The following MTREX variants were observed in gnomAD, a reference collection of about 807,000 sequenced individuals.
MTREX encodes the protein Mtr4 exosome RNA helicase.
MTREX carries 76 observed loss-of-function variants against 135.4 expected under a neutral mutation model. The observed-to-expected ratio is 0.56, with a 90% CI of 0.47 to 0.68. The LOEUF (loss-of-function observed/expected upper bound fraction) is 0.68, where lower values mean the gene tolerates loss of function less well. Among genes scored for constraint, MTREX ranks in the 30% least tolerant of loss-of-function variants. MTREX has a pLI of 0.00. For missense variants in MTREX, 920 were observed against 1,262.1 expected (o/e 0.73, Z 4.11); for synonymous variants, 404 against 401.6 (o/e 1.01, Z -0.07).
rs1454311661 is a variant in MTREX, at chr5:55,347,010, C to T, written c.1109-3C>T. The T allele has an allele frequency of 1.9e-6, 3 of 1,600,660 alleles. No individual in the cohort carries two copies. Among genetic ancestry groups the T allele is most frequent in the Middle Eastern group, 1.7e-4 (1 of 6,012 alleles). On this transcript the variant is annotated splice_polypyrimidine_tract_variant and splice_region_variant and intron_variant, in intron 10 of 26. Transcript: ENST00000230640. ...TTTGGTGTGTTGTTTACTGTTTTTG[C>T]AGGACCATCAAATGTTTTCAAAATT...
intron 5 of MTREX, among the ~76,000 whole-genome samples, chr5:55,331,376 C>T (rs1406952312): frequency 6.6e-6 from 1 of 152,070 alleles, no homozygotes; most frequent in East Asian, 1.9e-4. Context: ...TTGAGGCTTA[C>T]TTTTATGACT....
chr5:55,317,093 GAT>G (rs1749211265), intron 1 of MTREX, among the ~76,000 whole-genome samples: 1 of 152,092 alleles, frequency 6.6e-6, no homozygotes, highest in Non-Finnish European at 1.5e-5. Flanking sequence ...GGAGGTGAAA[GAT>G]ATATGCAATG....
At chr5:55,412,950 A>G (rs572914185) in intron 23 of MTREX, among the ~76,000 whole-genome samples, 3 of 152,300 alleles carry the variant, frequency 2.0e-5, no homozygotes, top group Admixed American at 6.5e-5. Flanking sequence ...TTTATTATAC[A>G]TATATACATG....
chr5:55,422,892 T>C lies in MTREX; in HGVS notation c.2986T>C (p.Cys996Arg). 6.2e-7 allele frequency: 1 copy of C among 1,613,562 alleles called. No homozygotes were observed. The highest frequency in any genetic ancestry group is 8.5e-7 in the Non-Finnish European group (1 of 1,179,742). ...TTTCTATCCAGGCAGCATAATTCGT[T>C]GTATGAGGCGCCTGGAAGAATTGCT... Reference protein sequence around the residue: ...TDVFEGSIIRCMRRLEELLRQ... With the variant: ...TDVFEGSIIRRMRRLEELLRQ... The change falls in exon 26 of 27, where the codon TGT becomes CGT. Residue 996 changes from cysteine to arginine, a missense_variant. Cys to Arg is a radical substitution (Grantham distance 180). Transcript: ENST00000230640.
At chr5:55,341,226 G>A (rs1444973841) in intron 6 of MTREX, among the ~76,000 whole-genome samples, 2 of 152,156 alleles carry the variant, frequency 1.3e-5, no homozygotes, top group Admixed American at 1.3e-4. Flanking sequence ...AAGTATCCAT[G>A]TTGCAAGAAA....
At chr5:55,339,689 C>A (rs1749612305) in intron 5 of MTREX, among the ~76,000 whole-genome samples, 1 of 152,142 alleles carries the variant, frequency 6.6e-6, no homozygotes, top group Admixed American at 6.6e-5. Flanking sequence ...TGTGAACTCA[C>A]AGACAGAGGC....
At chr5:55,405,653 T>A in intron 22 of MTREX, 65 bp downstream of exon 22, 1 of 1,448,784 alleles carries the variant, frequency 6.9e-7, no homozygotes, top group Non-Finnish European at 9.4e-7. Context: ...AATTTTTGTT[T>A]ATTTTTTTTG....
chr5:55,343,458 A>AT lies in MTREX; in HGVS notation c.906+9dup. On this transcript the variant is annotated splice_donor_region_variant and intron_variant, in intron 8 of 26. Transcript: ENST00000230640. Reference sequence around the variant, plus strand: ...GGATTTGCCATTTACATAAACAGGTATTTTTTCCTCCTTTTTTGATGTCTT... The same window carrying AT: ...GGATTTGCCATTTACATAAACAGGTATTTTTTTCCTCCTTTTTTGATGTCTT... 1 of 1,610,122 alleles carries AT rather than the reference A, an allele frequency of 6.2e-7. No individual in the cohort carries two copies. The highest frequency in any genetic ancestry group is 8.5e-7 in the Non-Finnish European group (1 of 1,178,628).
At chr5:55,321,160 A>G (rs1749283510) in intron 1 of MTREX, among the ~76,000 whole-genome samples, 1 of 152,190 alleles carries the variant, frequency 6.6e-6, no homozygotes, top group Admixed American at 6.5e-5. Context: ...CTTAATATCT[A>G]ATATTGCAAA....
At chr5:55,389,069 C>T (rs1750524602) in intron 19 of MTREX, among the ~76,000 whole-genome samples, 1 of 152,072 alleles carries the variant, frequency 6.6e-6, no homozygotes, top group African/African-American at 2.4e-5. Flanking sequence ...ATTTATAATT[C>T]TGAATATTAC....
In MTREX at chr5:55,378,479, T is replaced by C. The variant is rs1750342836; in HGVS notation, c.1976T>C (p.Leu659Ser). The change falls in exon 17 of 27, where the codon TTG (leucine) becomes TCG (serine). Residue 659 changes from leucine (L) to serine (S), a missense_variant. Leu to Ser is a moderately radical substitution (Grantham distance 145). Around this residue, in one of 6 missense-constraint regions of MTREX, gnomAD observed 467 missense variants for 589.7 expected, o/e 0.79. Transcript: ENST00000230640. ...TTACCTTTTCTACAACCAGGTCGTT[T>C]GGTAAAGGTATGTCATTGTTTCTTC... ...YCLPFLQPGR[L>S]VKVKNEGDDF... 1 of 1,607,306 alleles carries C rather than the reference T, an allele frequency of 6.2e-7. No homozygotes were observed.
At chr5:55,327,799 A>G in intron 4 of MTREX, 21 bp downstream of exon 4, 1 of 1,534,414 alleles carries the variant, frequency 6.5e-7, no homozygotes, top group South Asian at 1.2e-5. Context: ...TGGGTAATAC[A>G]GTTTATATAG....
At chr5:55,320,975 G>C (rs1447031329) in intron 1 of MTREX, among the ~76,000 whole-genome samples, 1 of 152,122 alleles carries the variant, frequency 6.6e-6, no homozygotes, top group Non-Finnish European at 1.5e-5. Flanking sequence ...GAATCCTGCT[G>C]TTTCTGTTAA....
intron 5 of MTREX, among the ~76,000 whole-genome samples, chr5:55,332,558 G>A (rs533474534): frequency 6.6e-6 from 1 of 152,292 alleles, no homozygotes; most frequent in Admixed American, 6.5e-5. Flanking sequence ...TTGGCTCATG[G>A]TTCTGGAAGC....
At chr5:55,387,422 C>T (rs905770246) in intron 18 of MTREX, among the ~76,000 whole-genome samples, 2 of 151,926 alleles carry the variant, frequency 1.3e-5, no homozygotes, top group African/African-American at 4.8e-5. Context: ...TTTAAAAATG[C>T]GGCATTCTGT....
At chr5:55,343,833 C>T (rs1419352897) in intron 8 of MTREX, among the ~76,000 whole-genome samples, 2 of 152,156 alleles carry the variant, frequency 1.3e-5, no homozygotes, top group African/African-American at 2.4e-5. Context: ...CTGGGCATCT[C>T]TGGAGCATTT....
intron 21 of MTREX, 54 bp from the exon 22 acceptor site, chr5:55,405,371 T>G (rs1049372181): frequency 2.1e-6 from 3 of 1,416,156 alleles, no homozygotes; most frequent in Non-Finnish European, 2.9e-6. Context: ...ATAAATCTCC[T>G]TGTACATTGT....
At chr5:55,308,753 A>G (rs1749033729) in intron 1 of MTREX, among the ~76,000 whole-genome samples, 1 of 152,186 alleles carries the variant, frequency 6.6e-6, no homozygotes. Context: ...GACCCTACCC[A>G]TATGTTTAGA....
Position 55,351,842 on chromosome 5 carries a change from C to CT in MTREX, c.1431+829dup, listed in dbSNP as rs754738083. ...ATCATAAGTCTATATATGACTCATA[C>CT]TTTTTTTTTTTTTTTTGAGGCAGAA... On this transcript the variant is annotated intron_variant, in intron 13 of 26. Transcript: ENST00000230640. 3.2e-3 allele frequency among the ~76,000 whole-genome samples: 442 copies of CT among 139,380 alleles called. 2 individuals carry two copies. Among genetic ancestry groups the CT allele is most frequent in the Middle Eastern group, 7.1e-3 (2 of 280 alleles). The allele number at this position is 139,380 out of a possible 152,430, so 91.4% of individuals were successfully genotyped here.
Sources: gnomAD v4.1 joint callset for allele counts (sites outside exome capture counted in the v4.1 genomes callset) on GRCh38, gnomAD v4.1.1 for gene constraint, gnomAD v4.1.1 regional missense constraint, MANE v1.5 for transcripts, NCBI Gene and HGNC (gene_info 2026-07-23, HGNC 2026-07-21) for gene names.